Variants in CDH13 observed in about 807,000 individuals in gnomAD.
CDH13 encodes cadherin 13.
A neutral mutation model predicts 63.8 loss-of-function variants in CDH13; 24 were observed. The ratio of observed to expected loss-of-function variants is 0.38; its 90% CI spans 0.27 to 0.53. The LOEUF is 0.53. Ranked by LOEUF, CDH13 falls within the 20% of genes least tolerant of loss-of-function variation. The probability of loss-of-function intolerance (pLI) is 0.85; values close to 1 mark genes in which losing one functional copy is unlikely to be tolerated. For missense variants in CDH13, 1,049 were observed against 903.1 expected (o/e 1.16, Z -2.07); for synonymous variants, 503 against 355.3 (o/e 1.42, Z -4.67).
chr16:83,658,138 T>C (rs1419345343), intron 8 of CDH13, among the ~76,000 whole-genome samples: 261 of 78,430 alleles, frequency 3.3e-3, no homozygotes, highest in African/African-American at 0.011. Context: ...CAGCAAGGTC[T>C]CATGTCCTCA....
intron 1 of CDH13, among the ~76,000 whole-genome samples, chr16:82,846,221 A>G (rs185296885): frequency 3.3e-5 from 5 of 152,246 alleles, no homozygotes; most frequent in Admixed American, 2.6e-4. Flanking sequence ...CATCTTTCTA[A>G]TATGTCCTTG....
intron 1 of CDH13, among the ~76,000 whole-genome samples, chr16:82,840,362 G>A (rs1357373802): frequency 1.3e-5 from 2 of 149,946 alleles, no homozygotes; most frequent in Non-Finnish European, 2.9e-5. Context: ...TAAAGAGGGA[G>A]GGCCTGATGC....
chr16:83,443,969 T>C (rs1474335104), intron 6 of CDH13, among the ~76,000 whole-genome samples: 1 of 145,678 alleles, frequency 6.9e-6, no homozygotes, highest in East Asian at 2.0e-4. Context: ...TCCTATAGAG[T>C]CAGGTGATGG....
At chr16:83,433,107 TG>T (rs2151485455) in intron 6 of CDH13, among the ~76,000 whole-genome samples, 1 of 152,242 alleles carries the variant, frequency 6.6e-6, no homozygotes, top group South Asian at 2.1e-4. Flanking sequence ...CATCAGCAGG[TG>T]TTTACTGAGC....
intron 8 of CDH13, among the ~76,000 whole-genome samples, chr16:83,603,328 TA>T (rs1908025115): frequency 6.6e-6 from 1 of 152,238 alleles, no homozygotes; most frequent in African/African-American, 2.4e-5. Context: ...GAATATGGAA[TA>T]GGTACGATGG....
intron 13 of CDH13, 78 bp downstream of exon 13, chr16:83,783,550 A>G: frequency 1.9e-6 from 2 of 1,051,046 alleles, no homozygotes; most frequent in East Asian, 2.4e-5. Flanking sequence ...GCATTTTCCC[A>G]TATACCTTTC....
At chr16:83,413,952 C>A (rs2092163725) in intron 6 of CDH13, among the ~76,000 whole-genome samples, 1 of 152,142 alleles carries the variant, frequency 6.6e-6, no homozygotes, top group Non-Finnish European at 1.5e-5. Context: ...AGATCACTCA[C>A]CACTGTACTC....
chr16:83,500,317 TCTCCTCCTCCTCCTCCTCCTCCTCC>T (rs2074246531), intron 7 of CDH13, among the ~76,000 whole-genome samples: 1 of 594 alleles, frequency 1.7e-3, no homozygotes, highest in Non-Finnish European at 0.12. Flanking sequence ...TCCTTCTCCT[TCTCCTCCTCCTCCTCCTCCTCCTCC>T]TCCTCCTCCT....
intron 1 of CDH13, among the ~76,000 whole-genome samples, chr16:82,711,099 G>A (rs903907205): frequency 1.3e-5 from 2 of 152,004 alleles, no homozygotes; most frequent in African/African-American, 4.8e-5. Flanking sequence ...ATACCTCCTG[G>A]CAGTTTCTAC....
chr16:82,626,996 C>T lies in CDH13; in HGVS notation c.-97C>T, dbSNP rs970399520. ...TTGGGAAGTTGGCTGGCTGGCGAGG[C>T]AGAGCCTCTCCTCAAAGCCTGGCTC... On this transcript the variant is annotated 5_prime_UTR_variant, in exon 1 of 14. Transcript: ENST00000567109. 1.3e-5 allele frequency: 18 copies of T among 1,405,616 alleles called. No individual in the cohort carries two copies. Among genetic ancestry groups the T allele is most frequent in the African/African-American group, 1.1e-4 (8 of 70,170 alleles). The allele number at this position is 1,405,616 out of a possible 1,614,324, so 87.1% of individuals were successfully genotyped here.
At chr16:83,156,540 G>A (rs1305139290) in intron 4 of CDH13, among the ~76,000 whole-genome samples, 1 of 152,146 alleles carries the variant, frequency 6.6e-6, no homozygotes, top group Non-Finnish European at 1.5e-5. Context: ...TTTTAAGTTG[G>A]AGAAAATTGA....
At chr16:83,410,592 C>T (rs2092111184) in intron 6 of CDH13, among the ~76,000 whole-genome samples, 1 of 152,106 alleles carries the variant, frequency 6.6e-6, no homozygotes, top group South Asian at 2.1e-4. Context: ...AAGCTCTGGT[C>T]ATGCAATGCT....
intron 13 of CDH13, among the ~76,000 whole-genome samples, chr16:83,785,265 G>A (rs1915803292): frequency 6.6e-6 from 1 of 152,202 alleles, no homozygotes; most frequent in South Asian, 2.1e-4. Context: ...CCAAGAATAA[G>A]ATGCTGGCAG....
intron 4 of CDH13, among the ~76,000 whole-genome samples, chr16:83,137,261 A>C (rs2036331105): frequency 6.6e-6 from 1 of 152,184 alleles, no homozygotes; most frequent in African/African-American, 2.4e-5. Context: ...AGTGCAACAT[A>C]AAAGCAAAGC....
intron 5 of CDH13, among the ~76,000 whole-genome samples, chr16:83,280,736 A>T (rs2089145366): frequency 6.6e-6 from 1 of 152,254 alleles, no homozygotes; most frequent in Non-Finnish European, 1.5e-5. Flanking sequence ...GTCTTTTGAA[A>T]GTCAAAATTA....
intron 7 of CDH13, among the ~76,000 whole-genome samples, chr16:83,497,098 T>C (rs1051198273): frequency 1.2e-4 from 18 of 152,328 alleles, no homozygotes; most frequent in African/African-American, 4.3e-4. Flanking sequence ...TGGAAGTCAG[T>C]GTGGCGTTTC....
chr16:82,897,633 T>C (rs2041313298), intron 2 of CDH13, among the ~76,000 whole-genome samples: 1 of 152,230 alleles, frequency 6.6e-6, no homozygotes, highest in South Asian at 2.1e-4. Flanking sequence ...ATGACTCAGC[T>C]CTGTCTTCTG....
At chr16:83,715,279 G>A (rs774595779) in intron 10 of CDH13, among the ~76,000 whole-genome samples, 2 of 152,140 alleles carry the variant, frequency 1.3e-5, no homozygotes, top group Non-Finnish European at 2.9e-5. Flanking sequence ...AGAGGTTAAC[G>A]TTCCCATTTA....
intron 4 of CDH13, among the ~76,000 whole-genome samples, chr16:83,169,248 C>G (rs894692461): frequency 4.6e-5 from 7 of 151,522 alleles, no homozygotes; most frequent in African/African-American, 1.5e-4. Flanking sequence ...GGGATCTTGG[C>G]TCACTGCAAC....
Sources: allele counts gnomAD v4.1 joint callset (sites outside exome capture counted in the v4.1 genomes callset), GRCh38; gene constraint gnomAD v4.1.1; transcripts MANE v1.5; gene names NCBI Gene and HGNC (gene_info 2026-07-23, HGNC 2026-07-21).